DAPK3: variants seen among roughly 807,000 people sequenced by gnomAD.
DAPK3 encodes the protein death-associated protein kinase 3.
In DAPK3, 24 loss-of-function variants were observed where a neutral mutation model predicts 30.6. The ratio of observed to expected loss-of-function variants is 0.78; its 90% CI spans 0.57 to 1.10. The LOEUF is 1.10. DAPK3 is among the 50% of genes least tolerant of loss of function. DAPK3 has a pLI of 0.00. For synonymous variants in DAPK3, 341 were observed against 284.0 expected, an observed-to-expected ratio of 1.20 and a Z score of -2.02; for missense variants, 629 against 657.3, an observed-to-expected ratio of 0.96 and a Z score of 0.47.
In DAPK3 at chr19:3,961,675, C is replaced by G. The variant is rs1199808309; in HGVS notation, c.630-514G>C. 3.6e-5 allele frequency: 13 copies of G among 365,694 alleles called. No individual in the cohort carries two copies. The East Asian group carries it at 9.6e-4, about 27-fold the overall frequency. 22.7% of individuals were successfully genotyped at this position (365,694 alleles called of 1,614,324 possible). A position where few individuals can be genotyped will look rare whatever the true frequency, so the allele number is the denominator to read the frequency against. ...GACAGCGCACGAGACTAAACGTGGACTCAGACGCCTTCTGCAAAACACCTG... is the reference window on the plus strand; with the variant it reads ...GACAGCGCACGAGACTAAACGTGGAGTCAGACGCCTTCTGCAAAACACCTG... On this transcript the variant is annotated intron_variant, in intron 6 of 8. Transcript: ENST00000545797.
intron 4 of DAPK3, 143 bp from the exon 5 acceptor site, chr19:3,964,062 C>A: frequency 2.5e-6 from 2 of 803,976 alleles, no homozygotes; most frequent in Non-Finnish European, 4.1e-6. Context: ...CAGGGCCTGA[C>A]GGGTAGGACA....
intron 2 of DAPK3, among the ~76,000 whole-genome samples, chr19:3,967,494 C>T (rs2039590491): frequency 6.6e-6 from 1 of 152,142 alleles, no homozygotes; most frequent in African/African-American, 2.4e-5. Flanking sequence ...GTGGCTCACA[C>T]CTGTAATCCC....
At position 3,960,069 on chromosome 19, in the gene DAPK3, G is replaced by C; in HGVS notation, c.818C>G (p.Ser273Cys). 6.4e-7 allele frequency: 1 copy of C among 1,563,150 alleles called. No individual in the cohort carries two copies. Among genetic ancestry groups the C allele is most frequent in the Non-Finnish European group, 8.8e-7 (1 of 1,133,908 alleles). The change falls in exon 8 of 9, where the codon TCC (serine) becomes TGC (cysteine). Residue 273 changes from serine (S) to cysteine (C), a missense_variant. Physicochemically the swap from Ser to Cys is moderately radical, Grantham distance 112 (BLOSUM62 -1). This residue lies in a region of DAPK3 where 323 missense variants were observed against 278.8 expected (regional missense o/e 1.16). Coordinates refer to ENST00000545797, the MANE Select transcript of DAPK3 (RefSeq NM_001348.3). The part of the protein sequence containing the change: ...RMTIAQSLEH[S>C]WIKAIRRRNV... ...CACCTCCCCACTTACCTTAATCCAG[G>C]AATGTTCCAGGCTCTGGGCAATGGT...
intron 7 of DAPK3, 72 bp from the exon 8 acceptor site, chr19:3,960,176 G>A (rs187165411): frequency 1.7e-5 from 14 of 839,448 alleles, no homozygotes; most frequent in African/African-American, 1.5e-4. Context: ...ACTGACTCCC[G>A]GGACCCCCAA....
intron 2 of DAPK3, 140 bp from the exon 3 acceptor site, chr19:3,965,131 C>G: frequency 1.6e-6 from 1 of 611,578 alleles, no homozygotes; most frequent in Non-Finnish European, 2.9e-6. Context: ...CTGGCCACTG[C>G]GGGGGTGCAG....
intron 6 of DAPK3, among the ~76,000 whole-genome samples, chr19:3,962,786 T>TTA (rs1568191545): frequency 8.0e-4 from 5 of 6,256 alleles, no homozygotes; most frequent in Non-Finnish European, 1.6e-3. Context: ...AAACTCTGTC[T>TTA]CAAAAAAAAA....
At chr19:3,963,707 G>C (rs746889354) in intron 5 of DAPK3, 38 bp from the exon 6 acceptor site, 1 of 1,510,132 alleles carries the variant, frequency 6.6e-7, no homozygotes, top group South Asian at 1.3e-5. Flanking sequence ...GCGCAGCGTG[G>C]GGCCGCCCAC....
chr19:3,961,508 A>G (rs2039513131), intron 6 of DAPK3: 1 of 532,068 alleles, frequency 1.9e-6, no homozygotes, highest in African/African-American at 1.9e-5. Context: ...CCAACACCTT[A>G]GCCAAAGGAT....
At chr19:3,965,269 G>A (rs2039565574) in intron 2 of DAPK3, among the ~76,000 whole-genome samples, 4 of 152,206 alleles carry the variant, frequency 2.6e-5, no homozygotes, top group Admixed American at 2.6e-4. Context: ...TAACACCATG[G>A]CACCGGCGTA....
intron 3 of DAPK3, 47 bp downstream of exon 3, chr19:3,964,573 GCCCCATCCCCA>G: frequency 8.8e-6 from 7 of 796,198 alleles, no homozygotes; most frequent in Non-Finnish European, 1.0e-5. Context: ...GCTCTTCCCC[GCCCCATCCCCA>G]CCCCCACACT....
At chr19:3,970,267 G>T (rs902961282) in intron 1 of DAPK3, among the ~76,000 whole-genome samples, 2 of 152,038 alleles carry the variant, frequency 1.3e-5, no homozygotes, top group East Asian at 1.9e-4. Flanking sequence ...TTTGTTGTTG[G>T]TGTTGTTGTT....
At chr19:3,964,158 G>A (rs1474834816) in intron 4 of DAPK3, 86 bp downstream of exon 4, 8 of 1,235,824 alleles carry the variant, frequency 6.5e-6, no homozygotes, top group African/African-American at 1.5e-5. Context: ...GCGGCACCCA[G>A]CACCGGGCAT....
chr19:3,961,440 G>C, intron 6 of DAPK3: 1 of 588,264 alleles, frequency 1.7e-6, no homozygotes, highest in Non-Finnish European at 3.4e-6. Flanking sequence ...CGCAGAGCCC[G>C]AAAGCCCCCA....
chr19:3,964,704 G>A lies in DAPK3; in HGVS notation c.350C>T (p.Thr117Ile). The A allele has an allele frequency of 6.2e-7, 1 of 1,612,304 alleles. No individual in the cohort carries two copies. The highest frequency in any genetic ancestry group is 8.5e-7 in the Non-Finnish European group (1 of 1,179,298). The change falls in exon 3 of 9, where the codon ACC becomes ATC. Residue 117 changes from threonine to isoleucine, a missense_variant. Thr to Ile is a moderately conservative substitution (Grantham distance 89). Around this residue, in one of 2 missense-constraint regions of DAPK3, gnomAD observed 306 missense variants for 378.5 expected, o/e 0.81. Coordinates refer to ENST00000545797, the MANE Select transcript of DAPK3 (RefSeq NM_001348.3). ...EKESLTEDEA[T>I]QFLKQILDGV... ...GTCCAGGATCTGCTTGAGGAACTGGGTGGCCTCGTCCTCCGTCAGCGACTC... is the reference window on the plus strand; with the variant it reads ...GTCCAGGATCTGCTTGAGGAACTGGATGGCCTCGTCCTCCGTCAGCGACTC...
chr19:3,969,884 C>G, intron 1 of DAPK3, 55 bp from the exon 2 acceptor site: 1 of 632,978 alleles, frequency 1.6e-6, no homozygotes, highest in Non-Finnish European at 2.8e-6. Context: ...CCCTTTTCTC[C>G]TAGATTAATG....
chr19:3,958,830 C>T lies in DAPK3; in HGVS notation c.*271G>A. The T allele has an allele frequency of 1.7e-6, 1 of 580,746 alleles. No homozygotes were observed. Among genetic ancestry groups the T allele is most frequent in the East Asian group, 2.9e-5 (1 of 34,508 alleles). The allele number at this position is 580,746 out of a possible 1,614,324, so 36.0% of individuals were successfully genotyped here. A position where few individuals can be genotyped will look rare whatever the true frequency, so the allele number is the denominator to read the frequency against. Reference sequence around the variant, plus strand: ...GTCCCAACCCTCACGGTGCCACAGGCCACGCTGCCTGGAGGGTCCCAGGGT... The same window carrying T: ...GTCCCAACCCTCACGGTGCCACAGGTCACGCTGCCTGGAGGGTCCCAGGGT... On this transcript the variant is annotated 3_prime_UTR_variant, in exon 9 of 9. Transcript: ENST00000545797.
At chr19:3,966,522 G>A (rs1008128) in intron 2 of DAPK3, among the ~76,000 whole-genome samples, 75,644 of 152,024 alleles carry the variant, frequency 0.5, 21,164 homozygotes, top group East Asian at 0.75. Flanking sequence ...GGGCCACCAC[G>A]TAGAAGGCTA....
At chr19:3,959,837 C>T in intron 8 of DAPK3, 200 bp from the exon 9 acceptor site, 1 of 670,220 alleles carries the variant, frequency 1.5e-6, no homozygotes, top group South Asian at 1.9e-5. Flanking sequence ...GGAGTCAGCC[C>T]CGTTGGACAC....
In DAPK3 at chr19:3,959,499, C is replaced by T. The variant is rs2039479692; in HGVS notation, c.967G>A (p.Glu323Lys). The T allele has an allele frequency of 1.3e-6, 2 of 1,558,444 alleles. No individual in the cohort carries two copies. Among genetic ancestry groups the T allele is most frequent in the Non-Finnish European group, 8.6e-7 (1 of 1,159,504 alleles). Residue 323 changes from glutamate to lysine, a missense_variant, in exon 9 of 9, where the codon GAG becomes AAG. By Grantham distance (56) the Glu-to-Lys change is moderately conservative. Coordinates refer to ENST00000545797, the MANE Select transcript of DAPK3 (RefSeq NM_001348.3). ...LPPNNSYADF[E>K]RFSKVLEEAA... ...TCCTCCAGCACCTTGGAGAAGCGCT[C>T]GAAGTCGGCGTAGCTGTTGTTGGGC...
Sources: gnomAD v4.1 joint callset for allele counts (sites outside exome capture counted in the v4.1 genomes callset) on GRCh38, gnomAD v4.1.1 for gene constraint, gnomAD v4.1.1 regional missense constraint, MANE v1.5 for transcripts, NCBI Gene and HGNC (gene_info 2026-07-23, HGNC 2026-07-21) for gene names.